The following PIWIL1 variants were observed in gnomAD, a reference collection of about 807,000 sequenced individuals.
PIWIL1 encodes the protein piwi like RNA-mediated gene silencing 1, also known as piwi-like protein 1.
A neutral mutation model predicts 114.4 loss-of-function variants in PIWIL1; 73 were observed. The ratio of observed to expected loss-of-function variants is 0.64; its 90% CI spans 0.53 to 0.78. The LOEUF is 0.78. Among genes scored for constraint, PIWIL1 ranks in the 30% least tolerant of loss-of-function variants. The pLI, the probability that PIWIL1 is intolerant of heterozygous loss-of-function variation, is 0.00. For synonymous variants in PIWIL1, 375 were observed against 369.0 expected (o/e 1.02, Z -0.19); for missense variants, 723 against 1,063.1 (o/e 0.68, Z 4.45).
At chr12:130,357,151 A>T in intron 13 of PIWIL1, 46 bp downstream of exon 13, 2 of 1,479,642 alleles carry the variant, frequency 1.4e-6, no homozygotes, top group Non-Finnish European at 1.9e-6. Context: ...CTTGGCAGTC[A>T]TTTGGAGGGG....
Position 130,349,857 on chromosome 12 carries a change from T to C in PIWIL1, c.934T>C (p.Tyr312His). 2 of 1,558,304 alleles carry C rather than the reference T, an allele frequency of 1.3e-6. No homozygotes were observed. The highest frequency in any genetic ancestry group is 1.8e-6 in the Non-Finnish European group (2 of 1,136,446). ...AGTCAAATCTCAACTGATCCCTAGGTATAACAATAAGACATACAGAGTGGA... is the reference window on the plus strand; with the variant it reads ...AGTCAAATCTCAACTGATCCCTAGGCATAACAATAAGACATACAGAGTGGA... ...ELIGLVVLTK[Y>H]NNKTYRVDDI... The change falls in exon 9 of 21, where the codon TAT (tyrosine) becomes CAT (histidine). Residue 312 changes from tyrosine (Y) to histidine (H), a missense_variant and splice_region_variant. By Grantham distance (83) the Tyr-to-His change is moderately conservative. Transcript: ENST00000245255.
chr12:130,417,789 C>G, the PIWIL1 span, among the ~76,000 whole-genome samples: 1 of 152,126 alleles, frequency 6.6e-6, no homozygotes, highest in African/African-American at 2.4e-5. Flanking sequence ...AATACATATG[C>G]ATATATATAC....
chr12:130,343,621 CTTTTTTT>C (rs533583982), intron 3 of PIWIL1, among the ~76,000 whole-genome samples: 99 of 116,482 alleles, frequency 8.5e-4, no homozygotes, highest in Middle Eastern at 5.0e-3. Context: ...TTGAAGGATT[CTTTTTTT>C]TTTTTTTTTT....
the PIWIL1 span, among the ~76,000 whole-genome samples, chr12:130,391,491 C>G: frequency 6.6e-6 from 1 of 152,246 alleles, no homozygotes; most frequent in African/African-American, 2.4e-5. Context: ...TCCCCCGTCC[C>G]TTTTCCTCCT....
chr12:130,394,293 G>A, the PIWIL1 span, among the ~76,000 whole-genome samples: 3 of 152,232 alleles, frequency 2.0e-5, no homozygotes, highest in South Asian at 2.1e-4. Flanking sequence ...GCTGCAGGAA[G>A]GGGCTGCGCC....
chr12:130,388,071 TA>T, the PIWIL1 span, among the ~76,000 whole-genome samples: 1 of 152,242 alleles, frequency 6.6e-6, no homozygotes, highest in African/African-American at 2.4e-5. Context: ...ATGGAATGCA[TA>T]GTCGTTTTCC....
chr12:130,424,371 TGCCGGGTCAGCGTCCGCC>T, the PIWIL1 span: 2 of 1,232,692 alleles, frequency 1.6e-6, no homozygotes, highest in South Asian at 4.1e-5. This position sits in a 1 kb window ranked among gnomAD's most constrained non-coding sequence, Gnocchi z 9.8. Context: ...CACGCTGCTC[TGCCGGGTCAGCGTCCGCC>T]GCCGGGCCAG....
chr12:130,362,728 A>C, intron 16 of PIWIL1, 38 bp from the exon 17 acceptor site: 1 of 1,560,502 alleles, frequency 6.4e-7, no homozygotes, highest in East Asian at 2.2e-5. Context: ...TTGATAGACA[A>C]TTGCATTCTT....
At chr12:130,393,571 A>C in the PIWIL1 span, among the ~76,000 whole-genome samples, 1 of 149,584 alleles carries the variant, frequency 6.7e-6, no homozygotes, top group African/African-American at 2.5e-5. Context: ...TGACCCAGTC[A>C]CCATCCTCAC....
chr12:130,356,732 C>T (rs1411204125), intron 12 of PIWIL1, among the ~76,000 whole-genome samples, 186 bp from the exon 13 acceptor site: 1 of 152,118 alleles, frequency 6.6e-6, no homozygotes, highest in Non-Finnish European at 1.5e-5. Context: ...AGTAAAATTG[C>T]CATCATCCTT....
the PIWIL1 span, among the ~76,000 whole-genome samples, chr12:130,423,543 C>T: frequency 6.6e-6 from 1 of 151,358 alleles, no homozygotes; most frequent in African/African-American, 2.4e-5. Context: ...AAACCAACAA[C>T]AAGCCCAGAC....
chr12:130,358,670 C>T (rs961973593), intron 14 of PIWIL1, among the ~76,000 whole-genome samples: 1 of 152,160 alleles, frequency 6.6e-6, no homozygotes, highest in South Asian at 2.1e-4. Flanking sequence ...TTGAATTATT[C>T]AGGGGAAAAT....
chr12:130,356,767 C>A, intron 12 of PIWIL1, 151 bp from the exon 13 acceptor site: 1 of 527,142 alleles, frequency 1.9e-6, no homozygotes. Flanking sequence ...AGTCTACCCC[C>A]ATTGAGGACA....
the PIWIL1 span, among the ~76,000 whole-genome samples, chr12:130,403,499 G>C: frequency 6.6e-6 from 1 of 152,290 alleles, no homozygotes; most frequent in Non-Finnish European, 1.5e-5. Context: ...TAAATGAAAA[G>C]TACATTCCTC....
At chr12:130,341,504 G>A (rs530566769) in intron 1 of PIWIL1, among the ~76,000 whole-genome samples, 8 of 152,346 alleles carry the variant, frequency 5.3e-5, no homozygotes, top group Non-Finnish European at 1.0e-4. Context: ...ATTCTAAGAA[G>A]CTGACTTCAA....
chr12:130,425,947 A>C, the PIWIL1 span: 1 of 152,348 alleles, frequency 6.6e-6, no homozygotes, highest in Non-Finnish European at 1.5e-5. Flanking sequence ...CCAGGTGAGG[A>C]GGCATCGGGG....
the PIWIL1 span, among the ~76,000 whole-genome samples, chr12:130,402,461 G>C: frequency 6.6e-6 from 1 of 151,936 alleles, no homozygotes; most frequent in African/African-American, 2.4e-5. Flanking sequence ...TTCCTGCCTG[G>C]AGGGTTCCAT....
At chr12:130,372,663 C>T (rs1377567135), downstream of PIWIL1, 2 of 130,646 alleles carry the variant, frequency 1.5e-5, no homozygotes, top group Non-Finnish European at 1.6e-5. Flanking sequence ...CTCTTACGAA[C>T]TCTAATGTCA....
rs569980695 is a variant in PIWIL1, at chr12:130,339,798, G to T, written c.-13+1652G>T. On this transcript the variant is annotated intron_variant, in intron 1 of 20. Coordinates refer to ENST00000245255, the MANE Select transcript of PIWIL1 (RefSeq NM_004764.5). Reference sequence around the variant, plus strand: ...TGCTTCCAGTCGGCTTCTAACTCGGGAGGGCTGAGAGCCGCTCCCCACCCC... The same window carrying T: ...TGCTTCCAGTCGGCTTCTAACTCGGTAGGGCTGAGAGCCGCTCCCCACCCC... 8 of 152,320 alleles carry T rather than the reference G, an allele frequency of 5.3e-5. No homozygotes were observed. In the East Asian group the frequency reaches 1.4e-3, roughly 26 times the overall value. The allele number at this position is 152,320 out of a possible 1,614,324, so 9.4% of individuals were successfully genotyped here. A position where few individuals can be genotyped will look rare whatever the true frequency, so the allele number is the denominator to read the frequency against.
Sources: allele counts gnomAD v4.1 joint callset (sites outside exome capture counted in the v4.1 genomes callset), GRCh38; gene constraint gnomAD v4.1.1; non-coding constraint Gnocchi (gnomAD v3.1); transcripts MANE v1.5; gene names NCBI Gene and HGNC (gene_info 2026-07-23, HGNC 2026-07-21).